UBE2T: variants seen among roughly 807,000 people sequenced by gnomAD.
UBE2T encodes the protein ubiquitin-conjugating enzyme E2 T.
A neutral mutation model predicts 23.3 loss-of-function variants in UBE2T; 15 were observed. The ratio of observed to expected loss-of-function variants is 0.64; its 90% CI spans 0.43 to 0.99. UBE2T has a LOEUF of 0.99. Among genes scored for constraint, UBE2T ranks in the 50% least tolerant of loss-of-function variants. The pLI, the probability that UBE2T is intolerant of heterozygous loss-of-function variation, is 0.00. For missense variants in UBE2T, 197 were observed against 234.9 expected (o/e 0.84, Z 1.05); for synonymous variants, 67 against 78.4 (o/e 0.85, Z 0.77).
At chr1:202,332,282 T>G (rs1011795807) in intron 6 of UBE2T, among the ~76,000 whole-genome samples, 1 of 152,248 alleles carries the variant, frequency 6.6e-6, no homozygotes, top group Non-Finnish European at 1.5e-5. Flanking sequence ...GTTTTTCCTT[T>G]AACTTTCTTC....
chr1:202,335,074 A>G lies in UBE2T; in HGVS notation c.110-16T>C. The G allele has an allele frequency of 6.3e-7, 1 of 1,596,638 alleles. No homozygotes were observed. Among genetic ancestry groups the G allele is most frequent in the South Asian group, 1.1e-5 (1 of 88,780 alleles). ...CCTAATATTTCTTAAAAGAAAAAAG[A>G]AAGAAAAAGTTAAAAGGGAATCAGA... On this transcript the variant is annotated splice_polypyrimidine_tract_variant and intron_variant, in intron 2 of 6. Transcript: ENST00000646651. The surrounding 1 kb of genome is among the most constrained non-coding windows in gnomAD (Gnocchi z 4.0).
chr1:202,333,570 G>GTGTATTTAATACCACTGAACTGT lies in UBE2T; in HGVS notation c.180-16_180-15insACAGTTCAGTGGTATTAAATACA. 6.3e-7 allele frequency: 1 copy of GTGTATTTAATACCACTGAACTGT among 1,596,442 alleles called. No individual in the cohort carries two copies. The highest frequency in any genetic ancestry group is 8.6e-7 in the Non-Finnish European group (1 of 1,167,926). On this transcript the variant is annotated splice_polypyrimidine_tract_variant and intron_variant, in intron 3 of 6. Transcript: ENST00000646651. ...CAAATGGGTACCTATGAAAGAATAA[G>GTGTATTTAATACCACTGAACTGT]ACAACAGATAATTTTCATTACATAA...
intron 3 of UBE2T, among the ~76,000 whole-genome samples, chr1:202,334,490 A>G (rs1189877046): frequency 1.3e-5 from 2 of 152,232 alleles, no homozygotes; most frequent in Non-Finnish European, 2.9e-5. Flanking sequence ...GAGTTTACCT[A>G]TATAACAAAC....
At chr1:202,339,599 C>CAAAAAAAAAAAAAAAAAAAAAAAAAAA in intron 1 of UBE2T, among the ~76,000 whole-genome samples, 1 of 79,052 alleles carries the variant, frequency 1.3e-5, no homozygotes, top group Admixed American at 1.3e-4. Flanking sequence ...GACTCTGTCT[C>CAAAAAAAAAAAAAAAAAAAAAAAAAAA]AAAAAAAAAA....
At chr1:202,334,915 T>C in intron 3 of UBE2T, 74 bp downstream of exon 3, 1 of 1,387,614 alleles carries the variant, frequency 7.2e-7, no homozygotes, top group Non-Finnish European at 1.0e-6. Context: ...TTATGCTCTA[T>C]CTACTACATT....
intron 1 of UBE2T, among the ~76,000 whole-genome samples, chr1:202,339,170 G>A (rs1304804507): frequency 6.7e-6 from 1 of 148,418 alleles, no homozygotes; most frequent in Non-Finnish European, 1.5e-5. Context: ...TCTGATCCTG[G>A]TGTTTTCATT....
Position 202,333,473 on chromosome 1 carries a change from C to T in UBE2T, c.262G>A (p.Asp88Asn). ...ACTTTTGGTGGCAATTTGAGAACAT[C>T]CAGACAAATCCTTCCAGCAGAATCA... is the stretch of plus-strand genomic sequence containing the variant. ...NIDSAGRICLDVLKLPPKGAW... is the reference protein window; with the variant it reads ...NIDSAGRICLNVLKLPPKGAW... The change falls in exon 4 of 7, where the codon GAT becomes AAT. Residue 88 changes from aspartate to asparagine, a missense_variant. Asp to Asn is a conservative substitution (Grantham distance 23, BLOSUM62 1). Coordinates refer to ENST00000646651, the MANE Select transcript of UBE2T (RefSeq NM_014176.4). The T allele has an allele frequency of 6.2e-7, 1 of 1,614,128 alleles. No individual in the cohort carries two copies. The highest frequency in any genetic ancestry group is 1.1e-5 in the South Asian group (1 of 91,088).
At chr1:202,341,377 G>C (rs1014485429) in intron 1 of UBE2T, among the ~76,000 whole-genome samples, 6 of 151,152 alleles carry the variant, frequency 4.0e-5, no homozygotes, top group Non-Finnish European at 8.8e-5. Context: ...AGGAGATCGA[G>C]ACCATCCCGG....
intron 6 of UBE2T, 49 bp from the exon 7 acceptor site, chr1:202,332,009 G>A (rs1371488076): frequency 6.3e-7 from 1 of 1,593,874 alleles, no homozygotes; most frequent in East Asian, 2.2e-5. Context: ...CAAATGCCAG[G>A]ATGGAGAAAA....
intron 1 of UBE2T, among the ~76,000 whole-genome samples, chr1:202,339,103 CAT>C (rs1303010199): frequency 1.1e-5 from 1 of 88,204 alleles, no homozygotes; most frequent in Non-Finnish European, 2.1e-5. Context: ...TTTTTTTTAA[CAT>C]ATTGTGGATT....
Position 202,335,245 on chromosome 1 carries a change from TCAAA to T in UBE2T, c.110-191_110-188del, listed in dbSNP as rs1654855847. 1.7e-6 allele frequency: 1 copy of T among 585,356 alleles called. No homozygotes were observed. Among genetic ancestry groups the T allele is most frequent in the African/African-American group, 1.9e-5 (1 of 53,814 alleles). The allele number at this position is 585,356 out of a possible 1,614,324, so 36.3% of individuals were successfully genotyped here. A position where few individuals can be genotyped will look rare whatever the true frequency, so the allele number is the denominator to read the frequency against. ...TAATGTACTCAAAAAGTTAATGGTG[TCAAA>T]CAAAGGACATATAGAAAATCTAAAG... is the stretch of plus-strand genomic sequence containing the variant. On this transcript the variant is annotated intron_variant, in intron 2 of 6. Coordinates refer to ENST00000646651, the MANE Select transcript of UBE2T (RefSeq NM_014176.4). The surrounding 1 kb of genome is among the most constrained non-coding windows in gnomAD (Gnocchi z 4.0).
At chr1:202,339,583 GATT>G (rs1654954169) in intron 1 of UBE2T, among the ~76,000 whole-genome samples, 1 of 116,004 alleles carries the variant, frequency 8.6e-6, no homozygotes, top group South Asian at 2.9e-4. Context: ...CTGGGCGATA[GATT>G]AGGACTCTGT....
intron 1 of UBE2T, among the ~76,000 whole-genome samples, chr1:202,340,832 G>C (rs533043410): frequency 6.6e-6 from 1 of 152,330 alleles, no homozygotes; most frequent in East Asian, 1.9e-4. Context: ...CCAGACTCCA[G>C]CCTCACTATG....
At chr1:202,339,422 C>T (rs1654950035) in intron 1 of UBE2T, among the ~76,000 whole-genome samples, 1 of 151,548 alleles carries the variant, frequency 6.6e-6, no homozygotes, top group South Asian at 2.1e-4. Flanking sequence ...GGGCATGTAT[C>T]AACCAAAAGG....
chr1:202,339,644 TATAC>T (rs1654957294), intron 1 of UBE2T, among the ~76,000 whole-genome samples: 1 of 145,184 alleles, frequency 6.9e-6, no homozygotes, highest in Admixed American at 6.9e-5. Context: ...AAACACGTAC[TATAC>T]ATTTTTTCTT....
At chr1:202,336,848 T>C (rs1376457256) in intron 1 of UBE2T, among the ~76,000 whole-genome samples, 1 of 152,156 alleles carries the variant, frequency 6.6e-6, no homozygotes, top group African/African-American at 2.4e-5. Flanking sequence ...TCAAATATGC[T>C]CAAAGTCTCT....
At chr1:202,339,926 G>A (rs1030230513) in intron 1 of UBE2T, among the ~76,000 whole-genome samples, 1 of 152,024 alleles carries the variant, frequency 6.6e-6, no homozygotes, top group Non-Finnish European at 1.5e-5. Context: ...ACCAGCTTGT[G>A]AGGCCTGGCA....
rs1364179341 is a variant in UBE2T, at chr1:202,335,634, T to G, written c.109+12A>C. 3 of 1,611,738 alleles carry G rather than the reference T, an allele frequency of 1.9e-6. No individual in the cohort carries two copies. Among genetic ancestry groups the G allele is most frequent in the Middle Eastern group, 1.8e-4 (1 of 5,710 alleles). ...GTCATGACTTTCATCATATACATGATTTGATACCTACGAGCTCGCAGGTCA... is the reference window on the plus strand; with the variant it reads ...GTCATGACTTTCATCATATACATGAGTTGATACCTACGAGCTCGCAGGTCA... On this transcript the variant is annotated intron_variant, in intron 2 of 6. Transcript: ENST00000646651. The surrounding 1 kb of genome is among the most constrained non-coding windows in gnomAD (Gnocchi z 4.0).
intron 1 of UBE2T, among the ~76,000 whole-genome samples, chr1:202,338,009 G>C (rs985447347): frequency 1.3e-5 from 2 of 152,126 alleles, no homozygotes; most frequent in African/African-American, 4.8e-5. Context: ...TCAATTTGGA[G>C]ATAACTGATA....
Sources: gnomAD v4.1 joint callset for allele counts (sites outside exome capture counted in the v4.1 genomes callset) on GRCh38, gnomAD v4.1.1 for gene constraint, Gnocchi (gnomAD v3.1) non-coding constraint, MANE v1.5 for transcripts, NCBI Gene and HGNC (gene_info 2026-07-23, HGNC 2026-07-21) for gene names.